AK5: variants seen among roughly 807,000 people sequenced by gnomAD.
AK5 encodes the protein adenylate kinase isoenzyme 5.
Under a neutral mutation model 69.5 loss-of-function variants are expected in AK5, and 27 were observed. The observed-to-expected ratio is 0.39, with a 90% CI of 0.29 to 0.54. AK5 has a LOEUF of 0.54. AK5 is among the 20% of genes least tolerant of loss of function. AK5 has a pLI of 0.71. For synonymous variants in AK5, 260 were observed against 244.4 expected, an observed-to-expected ratio of 1.06 and a Z score of -0.60; for missense variants, 531 against 700.4, an observed-to-expected ratio of 0.76 and a Z score of 2.73.
chr1:77,554,699 G>A (rs911111381), intron 13 of AK5, among the ~76,000 whole-genome samples: 16 of 151,894 alleles, frequency 1.1e-4, no homozygotes, highest in Non-Finnish European at 1.5e-4. Flanking sequence ...TCCACCTCCC[G>A]GGTTCACGCC....
chr1:77,444,423 CAT>C lies in AK5; in HGVS notation c.1059+26710_1059+26711del, dbSNP rs1460554793. ...AAATATATACTATATATAGTATATACATAGTATAAATATATACTATATATAGT... is the reference window on the plus strand; with the variant it reads ...AAATATATACTATATATAGTATATACAGTATAAATATATACTATATATAGT... On this transcript the variant is annotated intron_variant, in intron 8 of 13. Coordinates refer to ENST00000354567, the MANE Select transcript of AK5 (RefSeq NM_174858.3). 4.1e-4 allele frequency among the ~76,000 whole-genome samples: 11 copies of C among 26,542 alleles called. 1 individual carries two copies. The highest frequency in any genetic ancestry group is 2.1e-3 in the East Asian group (2 of 948). 17.4% of individuals were successfully genotyped at this position (26,542 alleles called of 152,430 possible). A position where few individuals can be genotyped will look rare whatever the true frequency, so the allele number is the denominator to read the frequency against.
chr1:77,361,973 G>A (rs79711752), intron 6 of AK5, among the ~76,000 whole-genome samples: 1,708 of 152,202 alleles, frequency 0.011, 16 homozygotes, highest in Non-Finnish European at 0.018. Context: ...ATCTTGGGTA[G>A]GTAACTTACC....
chr1:77,335,612 G>T (rs1013573846), intron 5 of AK5, among the ~76,000 whole-genome samples: 3 of 152,110 alleles, frequency 2.0e-5, no homozygotes, highest in Non-Finnish European at 4.4e-5. Context: ...AACAATTTAA[G>T]TATATTTTCC....
chr1:77,300,394 T>C (rs912353211), intron 5 of AK5, among the ~76,000 whole-genome samples: 3 of 152,210 alleles, frequency 2.0e-5, no homozygotes, highest in Non-Finnish European at 4.4e-5. Flanking sequence ...GCCTAGAGGT[T>C]CTTTGCCACT....
At chr1:77,519,137 C>T (rs777825489) in intron 11 of AK5, among the ~76,000 whole-genome samples, 2 of 152,168 alleles carry the variant, frequency 1.3e-5, no homozygotes, top group South Asian at 2.1e-4. Flanking sequence ...AATTTGGTAT[C>T]TTCTTGTGTA....
chr1:77,478,766 C>G (rs1311688890), intron 8 of AK5, among the ~76,000 whole-genome samples: 1 of 152,050 alleles, frequency 6.6e-6, no homozygotes, highest in African/African-American at 2.4e-5. Flanking sequence ...TTTGATCTCC[C>G]TCATTTAAAA....
At chr1:77,336,809 T>G (rs1661387522) in intron 5 of AK5, among the ~76,000 whole-genome samples, 2 of 152,210 alleles carry the variant, frequency 1.3e-5, no homozygotes, top group South Asian at 4.1e-4. Context: ...TATTTCTCCT[T>G]CATGTTTGAA....
intron 8 of AK5, among the ~76,000 whole-genome samples, chr1:77,454,565 A>G (rs931644476): frequency 6.6e-6 from 1 of 152,268 alleles, no homozygotes; most frequent in Non-Finnish European, 1.5e-5. Context: ...AGACCAGACC[A>G]TAGCTATTTT....
At chr1:77,387,973 C>G (rs1010790622) in intron 6 of AK5, among the ~76,000 whole-genome samples, 1 of 152,168 alleles carries the variant, frequency 6.6e-6, no homozygotes, top group African/African-American at 2.4e-5. Flanking sequence ...GCTAAAACCA[C>G]CACCTGGATA....
chr1:77,469,082 A>G (rs1319253891), intron 8 of AK5, among the ~76,000 whole-genome samples: 1 of 152,254 alleles, frequency 6.6e-6, no homozygotes, highest in African/African-American at 2.4e-5. Context: ...GTCACTGCCT[A>G]GATCTTAATG....
intron 6 of AK5, among the ~76,000 whole-genome samples, chr1:77,373,809 A>G (rs1348922922): frequency 1.3e-5 from 2 of 152,126 alleles, no homozygotes; most frequent in African/African-American, 2.4e-5. Flanking sequence ...ATCATTATTC[A>G]AAATTTAACT....
intron 6 of AK5, among the ~76,000 whole-genome samples, chr1:77,407,741 A>G (rs1372445594): frequency 6.6e-6 from 1 of 152,130 alleles, no homozygotes; most frequent in Non-Finnish European, 1.5e-5. Context: ...GGTAGTGAAC[A>G]CAGTACCCAA....
Position 77,558,869 on chromosome 1 carries a change from T to TATC in AK5, c.*201_*203dup, listed in dbSNP as rs1553164144. On this transcript the variant is annotated 3_prime_UTR_variant, in exon 14 of 14. Transcript: ENST00000354567. Reference sequence around the variant, plus strand: ...ATCATGCATGGTGTATTTGGGACTATATCAACCTATTCTCCACACTTCAGA... The same window carrying TATC: ...ATCATGCATGGTGTATTTGGGACTATATCATCAACCTATTCTCCACACTTCAGA... 14 of 558,578 alleles carry TATC rather than the reference T, an allele frequency of 2.5e-5. No homozygotes were observed. The highest frequency in any genetic ancestry group is 3.2e-4 in the Middle Eastern group (1 of 3,162). 34.6% of individuals were successfully genotyped at this position (558,578 alleles called of 1,614,324 possible).
At chr1:77,378,780 G>A (rs1167195711) in intron 6 of AK5, among the ~76,000 whole-genome samples, 1 of 152,206 alleles carries the variant, frequency 6.6e-6, no homozygotes, top group African/African-American at 2.4e-5. Flanking sequence ...AAGGTAACAA[G>A]AACTAAGGTT....
rs150994936 is a variant in AK5, at chr1:77,507,827, G to A, written c.1148-10737G>A. ...ATCTAATCTAGAAGTTCCAAATCAG[G>A]CTAACCATCAGAATCACCTGGGGAA... On this transcript the variant is annotated intron_variant, in intron 10 of 13. Transcript: ENST00000354567. Among the ~76,000 whole-genome samples, 8 of 152,214 alleles carry A rather than the reference G, an allele frequency of 5.3e-5. 1 individual carries two copies. The East Asian group carries it at 1.5e-3, about 29-fold the overall frequency.
At chr1:77,489,077 C>T (rs916945230) in intron 10 of AK5, among the ~76,000 whole-genome samples, 1 of 152,192 alleles carries the variant, frequency 6.6e-6, no homozygotes, top group African/African-American at 2.4e-5. Context: ...CACAGTTGAA[C>T]TGTGAAATGC....
At chr1:77,362,206 C>T (rs1398399752) in intron 6 of AK5, among the ~76,000 whole-genome samples, 1 of 152,164 alleles carries the variant, frequency 6.6e-6, no homozygotes, top group Non-Finnish European at 1.5e-5. Flanking sequence ...GTTTGCAACT[C>T]ACCCTCAAGC....
intron 6 of AK5, among the ~76,000 whole-genome samples, chr1:77,365,971 G>A (rs1646943319): frequency 6.6e-6 from 1 of 151,932 alleles, no homozygotes. Context: ...TTGGGCAATG[G>A]GTGCACCAGA....
intron 6 of AK5, among the ~76,000 whole-genome samples, chr1:77,371,885 G>A (rs1647128400): frequency 6.6e-6 from 1 of 152,188 alleles, no homozygotes; most frequent in Non-Finnish European, 1.5e-5. Context: ...AAGGAAGAGG[G>A]AAGGAAGTAA....
Sources: allele counts gnomAD v4.1 joint callset (sites outside exome capture counted in the v4.1 genomes callset), GRCh38; gene constraint gnomAD v4.1.1; transcripts MANE v1.5; gene names NCBI Gene and HGNC (gene_info 2026-07-23, HGNC 2026-07-21).